The following IKZF2 variants were observed in gnomAD, a reference collection of about 807,000 sequenced individuals.
IKZF2 encodes IKAROS family zinc finger 2.
A neutral mutation model predicts 49.2 loss-of-function variants in IKZF2; 15 were observed. The observed-to-expected ratio is 0.30, with a 90% CI of 0.20 to 0.47. The LOEUF (loss-of-function observed/expected upper bound fraction) is 0.47, where lower values mean the gene tolerates loss of function less well. IKZF2 is among the 20% of genes least tolerant of loss of function. The probability of loss-of-function intolerance (pLI) is 1.00; values close to 1 mark genes in which losing one functional copy is unlikely to be tolerated. For missense variants in IKZF2, 567 were observed against 664.6 expected (o/e 0.85, Z 1.61); for synonymous variants, 227 against 221.4 (o/e 1.03, Z -0.23).
intron 6 of IKZF2, among the ~76,000 whole-genome samples, chr2:213,042,146 T>C (rs1699727196): frequency 6.6e-6 from 1 of 152,220 alleles, no homozygotes; most frequent in Middle Eastern, 3.4e-3. Context: ...ATTTTTTTTT[T>C]CAATCATTAG....
intron 4 of IKZF2, among the ~76,000 whole-genome samples, chr2:213,089,006 C>A (rs1266016870): frequency 1.3e-5 from 2 of 152,156 alleles, no homozygotes; most frequent in Non-Finnish European, 2.9e-5. Flanking sequence ...AATTGCACTA[C>A]TCTGCAGGAG....
chr2:213,144,964 C>T (rs1181291227), intron 4 of IKZF2, among the ~76,000 whole-genome samples: 3 of 151,836 alleles, frequency 2.0e-5, no homozygotes, highest in Admixed American at 6.6e-5. Context: ...TCTATTCTAG[C>T]ACTGTCAAAT....
intron 4 of IKZF2, among the ~76,000 whole-genome samples, chr2:213,110,016 A>T (rs1188190530): frequency 6.6e-6 from 1 of 152,074 alleles, no homozygotes; most frequent in Non-Finnish European, 1.5e-5. Context: ...ATCTGAGTGT[A>T]AGGAATCTAC....
At chr2:213,090,713 T>C (rs1046340385) in intron 4 of IKZF2, among the ~76,000 whole-genome samples, 4 of 152,118 alleles carry the variant, frequency 2.6e-5, no homozygotes, top group Non-Finnish European at 5.9e-5. Flanking sequence ...GACATGCATA[T>C]GGGGTGAATG....
intron 6 of IKZF2, among the ~76,000 whole-genome samples, chr2:213,045,400 T>C (rs745827165): frequency 6.6e-6 from 1 of 152,208 alleles, no homozygotes; most frequent in Non-Finnish European, 1.5e-5. Context: ...ATAACAAAGA[T>C]AATCAGAAGC....
At chr2:213,011,745 C>CAT (rs1244083336) in intron 8 of IKZF2, among the ~76,000 whole-genome samples, 1 of 151,724 alleles carries the variant, frequency 6.6e-6, no homozygotes, top group Non-Finnish European at 1.5e-5. Context: ...GTTATTCATT[C>CAT]ATATATATTG....
Position 213,007,240 on chromosome 2 carries a change from T to C in IKZF2, c.*120A>G. ...TCCACAAAATAAGAATTATCAACAG[T>C]AATAATATTAAAAAAAATAAAAGGT... On this transcript the variant is annotated 3_prime_UTR_variant, in exon 9 of 9. Transcript: ENST00000434687. 9.4e-7 allele frequency: 1 copy of C among 1,064,184 alleles called. No individual in the cohort carries two copies. Among genetic ancestry groups the C allele is most frequent in the Non-Finnish European group, 1.3e-6 (1 of 747,622 alleles). 65.9% of individuals were successfully genotyped at this position (1,064,184 alleles called of 1,614,324 possible).
At chr2:213,113,870 A>G (rs1216351953) in intron 4 of IKZF2, among the ~76,000 whole-genome samples, 1 of 152,198 alleles carries the variant, frequency 6.6e-6, no homozygotes, top group African/African-American at 2.4e-5. Flanking sequence ...CACAAGTTTG[A>G]CAGAAATAAA....
At chr2:213,114,661 C>T (rs917440819) in intron 4 of IKZF2, among the ~76,000 whole-genome samples, 5 of 152,130 alleles carry the variant, frequency 3.3e-5, no homozygotes, top group Admixed American at 2.0e-4. Flanking sequence ...AGGCTAGGTG[C>T]GGTGGCTCAC....
chr2:213,067,489 C>T (rs939526044), intron 4 of IKZF2, among the ~76,000 whole-genome samples: 2 of 152,026 alleles, frequency 1.3e-5, no homozygotes, highest in African/African-American at 4.8e-5. Context: ...TGGATACACT[C>T]AATGGATAAT....
Position 213,007,771 on chromosome 2 carries a change from C to G in IKZF2, c.1170G>C (p.Lys390Asn). 1 of 1,613,642 alleles carries G rather than the reference C, an allele frequency of 6.2e-7. No individual in the cohort carries two copies. Among genetic ancestry groups the G allele is most frequent in the Non-Finnish European group, 8.5e-7 (1 of 1,179,762 alleles). The change falls in exon 9 of 9, where the codon AAG (lysine) becomes AAC (asparagine). Residue 390 changes from lysine to asparagine, a missense_variant. Lys to Asn is a moderately conservative substitution (Grantham distance 94, BLOSUM62 0). Coordinates refer to ENST00000434687, the MANE Select transcript of IKZF2 (RefSeq NM_001387220.1). ...AGGCCTCTCTTTCCTGGGGTCGACT[C>G]TTTGGTCTGATGAGAGAGATGGGGC... Reference protein sequence around the residue: ...MDGPISLIRPKSRPQEREASP... With the variant: ...MDGPISLIRPNSRPQEREASP...
At chr2:213,112,579 A>C (rs1432266799) in intron 4 of IKZF2, among the ~76,000 whole-genome samples, 2 of 136,202 alleles carry the variant, frequency 1.5e-5, no homozygotes, top group Non-Finnish European at 3.5e-5. Flanking sequence ...CTCTTGCCTC[A>C]GCCTTCTGCA....
intron 4 of IKZF2, among the ~76,000 whole-genome samples, chr2:213,070,103 T>C (rs946181673): frequency 1.3e-5 from 2 of 152,104 alleles, no homozygotes; most frequent in African/African-American, 4.8e-5. Context: ...AAAAATTCCT[T>C]TCAGAAATTT....
At chr2:213,132,374 C>T (rs2060503432) in intron 4 of IKZF2, among the ~76,000 whole-genome samples, 1 of 150,778 alleles carries the variant, frequency 6.6e-6, no homozygotes. Context: ...GTGCCTATGA[C>T]AATAGTAACT....
chr2:213,036,111 T>A (rs1033829537), intron 6 of IKZF2, among the ~76,000 whole-genome samples: 1 of 152,204 alleles, frequency 6.6e-6, no homozygotes, highest in Non-Finnish European at 1.5e-5. Flanking sequence ...TCAAGCCTCA[T>A]GATAGATTTT....
At chr2:213,099,865 T>C (rs980666420) in intron 4 of IKZF2, among the ~76,000 whole-genome samples, 4 of 152,228 alleles carry the variant, frequency 2.6e-5, no homozygotes, top group East Asian at 1.9e-4. Context: ...AGACACCCTA[T>C]TGCACATTGT....
chr2:213,071,908 T>G (rs80210680), intron 4 of IKZF2, among the ~76,000 whole-genome samples: 3,266 of 151,824 alleles, frequency 0.022, 122 homozygotes, highest in African/African-American at 0.074. Flanking sequence ...AATATTAAAA[T>G]GAAACACACA....
chr2:213,012,017 G>A lies in IKZF2; in HGVS notation c.856+1774C>T, dbSNP rs185355971. 2.3e-3 allele frequency among the ~76,000 whole-genome samples: 345 copies of A among 152,152 alleles called. 1 individual carries two copies. The highest frequency in any genetic ancestry group is 7.9e-3 in the African/African-American group (330 of 41,538). On this transcript the variant is annotated intron_variant, in intron 8 of 8. Transcript: ENST00000434687. ...GGAGAGACAAGTAGATATGCAGGAA[G>A]TTCAGGGATCATTGGTCTGGAGAAT...
intron 4 of IKZF2, among the ~76,000 whole-genome samples, chr2:213,079,403 G>A (rs1703650093): frequency 9.1e-6 from 1 of 109,318 alleles, no homozygotes; most frequent in Admixed American, 8.4e-5. Context: ...GAAGAAAGAA[G>A]GAAGGAAGGA....
Sources: allele counts gnomAD v4.1 joint callset (sites outside exome capture counted in the v4.1 genomes callset), GRCh38; gene constraint gnomAD v4.1.1; transcripts MANE v1.5; gene names NCBI Gene and HGNC (gene_info 2026-07-23, HGNC 2026-07-21).